The following NDST4 variants were observed in gnomAD, a reference collection of about 807,000 sequenced individuals.
NDST4 encodes the protein N-deacetylase and N-sulfotransferase 4.
NDST4 carries 63 observed loss-of-function variants against 100.8 expected under a neutral mutation model. The observed-to-expected ratio is 0.62, with a 90% CI of 0.51 to 0.77. The LOEUF (loss-of-function observed/expected upper bound fraction) is 0.77, where lower values mean the gene tolerates loss of function less well. Among genes scored for constraint, NDST4 ranks in the 30% least tolerant of loss-of-function variants. The pLI, the probability that NDST4 is intolerant of heterozygous loss-of-function variation, is 0.00. For synonymous variants in NDST4, 377 were observed against 361.8 expected (o/e 1.04, Z -0.48); for missense variants, 943 against 1,018.4 (o/e 0.93, Z 1.01).
chr4:114,954,160 T>G (rs1191378912), intron 4 of NDST4, among the ~76,000 whole-genome samples: 1 of 152,170 alleles, frequency 6.6e-6, no homozygotes, highest in African/African-American at 2.4e-5. Flanking sequence ...GCTAGTAATA[T>G]TTTATGTTAT....
At chr4:114,866,761 G>A (rs995135345) in intron 7 of NDST4, among the ~76,000 whole-genome samples, 2 of 152,116 alleles carry the variant, frequency 1.3e-5, no homozygotes, top group African/African-American at 4.8e-5. Flanking sequence ...AAATAAATAT[G>A]AAGACAAATT....
At chr4:114,947,587 C>T (rs563993017) in intron 4 of NDST4, among the ~76,000 whole-genome samples, 8 of 152,008 alleles carry the variant, frequency 5.3e-5, no homozygotes, top group Non-Finnish European at 1.0e-4. Context: ...AATTCTTCAA[C>T]GTGTTAAGTC....
chr4:114,836,668 G>C (rs995609778), intron 11 of NDST4, among the ~76,000 whole-genome samples: 6 of 152,178 alleles, frequency 3.9e-5, no homozygotes, highest in African/African-American at 1.4e-4. Context: ...GGCCTGTCTT[G>C]CTAGGTAGGG....
intron 1 of NDST4, among the ~76,000 whole-genome samples, chr4:115,085,682 C>G (rs1729395925): frequency 6.6e-6 from 1 of 152,096 alleles, no homozygotes; most frequent in Admixed American, 6.5e-5. Context: ...GAGATGCCTT[C>G]TACCATGATT....
chr4:114,923,414 C>T (rs1725327105), intron 6 of NDST4, among the ~76,000 whole-genome samples: 1 of 152,040 alleles, frequency 6.6e-6, no homozygotes, highest in Non-Finnish European at 1.5e-5. Flanking sequence ...AGAAACAAGA[C>T]ATATTGAAAT....
At chr4:114,967,459 C>T (rs775875609) in intron 4 of NDST4, among the ~76,000 whole-genome samples, 4 of 152,072 alleles carry the variant, frequency 2.6e-5, no homozygotes, top group Non-Finnish European at 5.9e-5. Context: ...TCTGAGTCTT[C>T]TCAGAGCTCT....
At chr4:115,023,033 G>A (rs760373694) in intron 2 of NDST4, among the ~76,000 whole-genome samples, 4 of 152,136 alleles carry the variant, frequency 2.6e-5, no homozygotes, top group Non-Finnish European at 4.4e-5. Flanking sequence ...CGCGAGCTAA[G>A]CTATGAGGAT....
intron 2 of NDST4, among the ~76,000 whole-genome samples, chr4:115,056,781 T>C (rs1402902642): frequency 1.3e-5 from 2 of 152,202 alleles, no homozygotes; most frequent in East Asian, 3.9e-4. Flanking sequence ...TTCACATTAA[T>C]ATGGTTTCCT....
intron 2 of NDST4, among the ~76,000 whole-genome samples, chr4:115,021,392 A>G (rs1727816613): frequency 6.6e-6 from 1 of 150,502 alleles, no homozygotes. Flanking sequence ...CCATATATAT[A>G]CATTCCATAT....
At chr4:115,012,082 C>G (rs1036231236) in intron 2 of NDST4, among the ~76,000 whole-genome samples, 37 of 151,710 alleles carry the variant, frequency 2.4e-4, no homozygotes, top group Admixed American at 2.0e-3. Flanking sequence ...GGTCTTAGAG[C>G]TGATAAATTA....
At chr4:114,905,019 A>G (rs757592904) in intron 6 of NDST4, among the ~76,000 whole-genome samples, 34 of 151,964 alleles carry the variant, frequency 2.2e-4, no homozygotes, top group Non-Finnish European at 3.8e-4. Context: ...ACCAGGCTGA[A>G]AAATGAAAGA....
intron 2 of NDST4, among the ~76,000 whole-genome samples, chr4:115,021,213 TATATATATATTCCAC>T (rs762773024): frequency 0.022 from 3,202 of 147,122 alleles, 46 homozygotes; most frequent in Non-Finnish European, 0.031. Flanking sequence ...ATATTCCATA[TATATATATATTCCAC>T]ATATATATAT....
At chr4:114,882,584 GA>G (rs991229921) in intron 6 of NDST4, among the ~76,000 whole-genome samples, 3 of 150,882 alleles carry the variant, frequency 2.0e-5, no homozygotes, top group African/African-American at 7.3e-5. Flanking sequence ...AGTACAAAGA[GA>G]AAAAAAATAA....
chr4:114,960,083 C>T (rs748503596), intron 4 of NDST4, among the ~76,000 whole-genome samples: 2 of 152,114 alleles, frequency 1.3e-5, no homozygotes, highest in Non-Finnish European at 2.9e-5. Context: ...TAACTATTCA[C>T]TTCTCAATAG....
chr4:115,070,840 C>A (rs1729060282), intron 2 of NDST4, among the ~76,000 whole-genome samples: 1 of 152,120 alleles, frequency 6.6e-6, no homozygotes, highest in Non-Finnish European at 1.5e-5. Context: ...CACGGTGGCT[C>A]ATGCCTGTAA....
At chr4:114,839,623 G>A in intron 10 of NDST4, 75 bp from the exon 11 acceptor site, 2 of 1,295,916 alleles carry the variant, frequency 1.5e-6, no homozygotes, top group Admixed American at 1.8e-5. Context: ...GTATGGGTGA[G>A]CACATGCATG....
At chr4:115,007,601 T>C (rs1727448925) in intron 2 of NDST4, among the ~76,000 whole-genome samples, 1 of 67,270 alleles carries the variant, frequency 1.5e-5, no homozygotes, top group Non-Finnish European at 3.1e-5. Context: ...GGAATGATGA[T>C]ACAACCAAGA....
intron 11 of NDST4, among the ~76,000 whole-genome samples, chr4:114,836,042 C>G (rs1422872243): frequency 2.0e-5 from 3 of 152,052 alleles, no homozygotes; most frequent in African/African-American, 7.2e-5. Flanking sequence ...TACAGCATAC[C>G]AGTGGGCCTT....
chr4:114,924,415 C>A (rs1364405662), intron 6 of NDST4, among the ~76,000 whole-genome samples: 3 of 150,122 alleles, frequency 2.0e-5, no homozygotes, highest in Admixed American at 6.6e-5. Flanking sequence ...AAGGTTAGTC[C>A]TGCAAATCTT....
Sources: gnomAD v4.1 joint callset for allele counts (sites outside exome capture counted in the v4.1 genomes callset) on GRCh38, gnomAD v4.1.1 for gene constraint, MANE v1.5 for transcripts, NCBI Gene and HGNC (gene_info 2026-07-23, HGNC 2026-07-21) for gene names.